CTNNA2: variants seen among roughly 807,000 people sequenced by gnomAD.
CTNNA2 encodes the protein catenin alpha 2, also known as catenin alpha-2.
CTNNA2 carries 42 observed loss-of-function variants against 101.0 expected under a neutral mutation model. The ratio of observed to expected loss-of-function variants is 0.42; its 90% CI spans 0.32 to 0.54. The LOEUF (loss-of-function observed/expected upper bound fraction) is 0.54, where lower values mean the gene tolerates loss of function less well. Among genes scored for constraint, CTNNA2 ranks in the 20% least tolerant of loss-of-function variants. The pLI is 0.14. For synonymous variants in CTNNA2, 450 were observed against 456.4 expected, an observed-to-expected ratio of 0.99 and a Z score of 0.18; for missense variants, 871 against 1,223.1, an observed-to-expected ratio of 0.71 and a Z score of 4.29.
Position 80,574,318 on chromosome 2 carries a change from T to TG in CTNNA2, c.1893+5dup. On this transcript the variant is annotated splice_donor_region_variant and intron_variant, in intron 13 of 18. Coordinates refer to ENST00000402739, the MANE Select transcript of CTNNA2 (RefSeq NM_001282597.3). ...AAAGGCTGTGCTGATGATCAGGGTA[T>TG]GTGAGGCCTCTGTAGCTCAGAGCTG... 1 of 1,607,930 alleles carries TG rather than the reference T, an allele frequency of 6.2e-7. No individual in the cohort carries two copies.
chr2:80,555,871 T>C lies in CTNNA2; in HGVS notation c.1719T>C (p.Ala573=), dbSNP rs757437210. The C allele has an allele frequency of 1.2e-5, 18 of 1,554,344 alleles. No homozygotes were observed. In the East Asian group the frequency reaches 3.3e-4, roughly 28 times the overall value. The change falls in exon 12 of 19, where the codon GCT becomes GCC. Residue 573 remains alanine, a synonymous_variant. Transcript: ENST00000402739. Reference sequence around the variant, plus strand: ...TTTATACTGAGAAGGTGTTGGAAGCTACAAAATTGCTTTCTGAAACAGGTA... The same window carrying C: ...TTTATACTGAGAAGGTGTTGGAAGCCACAAAATTGCTTTCTGAAACAGGTA... ...AGVYTEKVLE[A]TKLLSETVMP...
intron 7 of CTNNA2, among the ~76,000 whole-genome samples, chr2:80,259,968 T>A (rs571784178): frequency 6.6e-6 from 1 of 152,312 alleles, no homozygotes; most frequent in East Asian, 1.9e-4. Context: ...AGAATAAGAA[T>A]AACTGCCACC....
chr2:79,743,310 G>A (rs1156627395), intron 2 of CTNNA2, among the ~76,000 whole-genome samples: 1 of 152,078 alleles, frequency 6.6e-6, no homozygotes, highest in Non-Finnish European at 1.5e-5. Flanking sequence ...ATAACATGTT[G>A]CTCAAAAGAT....
intron 4 of CTNNA2, among the ~76,000 whole-genome samples, chr2:79,448,138 A>G (rs1287814610): frequency 1.3e-5 from 2 of 152,100 alleles, no homozygotes; most frequent in Non-Finnish European, 2.9e-5. Context: ...ATTTATGGAA[A>G]TAATTTTAAA....
chr2:79,514,412 TTC>T (rs1390127407), intron 1 of CTNNA2, among the ~76,000 whole-genome samples: 1 of 152,200 alleles, frequency 6.6e-6, no homozygotes, highest in African/African-American at 2.4e-5. Context: ...TGCTGTGTGA[TTC>T]TGTTTGTGGC....
chr2:79,418,960 C>A (rs527664205), intron 4 of CTNNA2, among the ~76,000 whole-genome samples: 62 of 152,122 alleles, frequency 4.1e-4, no homozygotes, highest in Non-Finnish European at 7.9e-4. Context: ...ACAATTAGCA[C>A]AATTAGGCAT....
chr2:79,260,422 G>A (rs779679078), intron 2 of CTNNA2, among the ~76,000 whole-genome samples: 18 of 152,126 alleles, frequency 1.2e-4, no homozygotes, highest in South Asian at 2.1e-4. Flanking sequence ...CCTCAGGAGC[G>A]TCTGAGGAAA....
At chr2:79,837,929 A>G (rs1679514186) in intron 3 of CTNNA2, among the ~76,000 whole-genome samples, 1 of 152,148 alleles carries the variant, frequency 6.6e-6, no homozygotes. Context: ...CAGTTTAAAC[A>G]AAAGAGACTA....
intron 7 of CTNNA2, among the ~76,000 whole-genome samples, chr2:80,229,134 T>A (rs1185584944): frequency 1.3e-5 from 2 of 152,230 alleles, no homozygotes; most frequent in Non-Finnish European, 2.9e-5. Flanking sequence ...GAAATGAAAC[T>A]CTTTTTTCCT....
chr2:79,280,959 C>G (rs1334927832), intron 2 of CTNNA2, among the ~76,000 whole-genome samples: 2 of 152,004 alleles, frequency 1.3e-5, no homozygotes, highest in Non-Finnish European at 2.9e-5. Flanking sequence ...CTACATCTCC[C>G]CTGCAGGATC....
At chr2:80,581,429 A>C (rs546245653) in intron 13 of CTNNA2, among the ~76,000 whole-genome samples, 31 of 152,304 alleles carry the variant, frequency 2.0e-4, no homozygotes, top group Non-Finnish European at 2.5e-4. Flanking sequence ...TAATACACAG[A>C]TATCATTTTT....
At chr2:79,360,628 C>A (rs1167201965) in intron 3 of CTNNA2, among the ~76,000 whole-genome samples, 1 of 152,160 alleles carries the variant, frequency 6.6e-6, no homozygotes, top group South Asian at 2.1e-4. Context: ...TACTTAGAGC[C>A]TTCTTCAGGC....
At chr2:80,496,395 CT>C (rs34221173) in intron 9 of CTNNA2, among the ~76,000 whole-genome samples, 55,733 of 131,640 alleles carry the variant, frequency 0.42, 10,276 homozygotes, top group East Asian at 0.84. Flanking sequence ...TCTTCACTGT[CT>C]TTTTTTTTTT....
chr2:80,515,398 C>T (rs1482789082), intron 9 of CTNNA2, among the ~76,000 whole-genome samples: 2 of 152,160 alleles, frequency 1.3e-5, no homozygotes, highest in African/African-American at 4.8e-5. Flanking sequence ...TCACAATCTT[C>T]TCTTTTATTC....
intron 4 of CTNNA2, among the ~76,000 whole-genome samples, chr2:79,481,970 T>G (rs1671114488): frequency 1.3e-5 from 2 of 152,100 alleles, no homozygotes; most frequent in Non-Finnish European, 2.9e-5. Flanking sequence ...AATCTTAAAC[T>G]CATTCTAGAT....
At chr2:79,593,445 C>T (rs1160171237) in intron 1 of CTNNA2, among the ~76,000 whole-genome samples, 2 of 152,192 alleles carry the variant, frequency 1.3e-5, no homozygotes, top group African/African-American at 2.4e-5. Flanking sequence ...TTTACATTTC[C>T]GGTGTAGTAT....
At chr2:79,221,400 C>T (rs1441727921) in intron 2 of CTNNA2, among the ~76,000 whole-genome samples, 2 of 152,152 alleles carry the variant, frequency 1.3e-5, no homozygotes, top group Non-Finnish European at 2.9e-5. Flanking sequence ...CCTCCCTCCT[C>T]GACTTCCCAA....
intron 2 of CTNNA2, among the ~76,000 whole-genome samples, chr2:79,731,423 G>T (rs1188060116): frequency 1.3e-5 from 2 of 152,056 alleles, no homozygotes; most frequent in East Asian, 3.9e-4. Context: ...ACTGACTAAT[G>T]TGTTTTTCTG....
At chr2:80,404,518 G>C (rs1419408702) in intron 8 of CTNNA2, among the ~76,000 whole-genome samples, 1 of 152,150 alleles carries the variant, frequency 6.6e-6, no homozygotes, top group Admixed American at 6.5e-5. Flanking sequence ...TAAGTATGTG[G>C]TTACATGTGT....
Sources: gnomAD v4.1 joint callset for allele counts (sites outside exome capture counted in the v4.1 genomes callset) on GRCh38, gnomAD v4.1.1 for gene constraint, MANE v1.5 for transcripts, NCBI Gene and HGNC (gene_info 2026-07-23, HGNC 2026-07-21) for gene names.